Variants in OTUD7A observed in about 807,000 individuals in gnomAD.
The protein encoded by OTUD7A is OTU domain-containing protein 7A.
OTUD7A carries 12 observed loss-of-function variants against 65.7 expected under a neutral mutation model. That is an observed-to-expected ratio of 0.18 (90% CI 0.12 to 0.30). OTUD7A has a LOEUF of 0.30. OTUD7A is among the 10% of genes least tolerant of loss of function. The pLI, the probability that OTUD7A is intolerant of heterozygous loss-of-function variation, is 1.00. For synonymous variants in OTUD7A, 641 were observed against 586.3 expected, an observed-to-expected ratio of 1.09 and a Z score of -1.35; for missense variants, 1,148 against 1,304.8, an observed-to-expected ratio of 0.88 and a Z score of 1.85.
At chr15:31,573,614 G>T (rs1889117599) in intron 3 of OTUD7A, among the ~76,000 whole-genome samples, 1 of 152,226 alleles carries the variant, frequency 6.6e-6, no homozygotes. Context: ...ACAGTTGACA[G>T]ATCAGGCCAG....
At chr15:31,654,575 G>A (rs2654150) in intron 3 of OTUD7A, among the ~76,000 whole-genome samples, 5 of 151,536 alleles carry the variant, frequency 3.3e-5, no homozygotes, top group Admixed American at 6.6e-5. Context: ...TACCACTGCC[G>A]CCATCAGAAA....
intron 1 of OTUD7A, among the ~76,000 whole-genome samples, chr15:31,860,126 CT>C (rs1897680856): frequency 6.6e-6 from 1 of 152,044 alleles, no homozygotes; most frequent in Non-Finnish European, 1.5e-5. Context: ...GGTAGTACAA[CT>C]AATTTATTTC....
chr15:31,483,216 C>A lies in OTUD7A; in HGVS notation c.*78G>T, dbSNP rs2041159524. On this transcript the variant is annotated 3_prime_UTR_variant, in exon 13 of 13. Coordinates refer to ENST00000307050, the MANE Select transcript of OTUD7A (RefSeq NM_001382637.1). ...GCGCCGGCCTTCCGGTGGACCAGGG[C>A]ATGTAAAAAAGACACCGACACAATG... 9.6e-7 allele frequency: 1 copy of A among 1,039,208 alleles called. No individual in the cohort carries two copies. The allele number at this position is 1,039,208 out of a possible 1,614,324, so 64.4% of individuals were successfully genotyped here.
chr15:31,735,727 T>C (rs527634731), intron 1 of OTUD7A, among the ~76,000 whole-genome samples: 55 of 152,300 alleles, frequency 3.6e-4, no homozygotes, highest in Admixed American at 2.4e-3. Context: ...CCCAAAGCAC[T>C]ATAAATCATT....
At position 31,515,321 on chromosome 15, in the gene OTUD7A, G is replaced by A. The variant is rs4779886; in HGVS notation, c.893+11028C>T. 4.0e-3 allele frequency among the ~76,000 whole-genome samples: 611 copies of A among 152,180 alleles called. 18 individuals carry two copies. Among genetic ancestry groups the A allele is most frequent in the East Asian group, 0.028 (144 of 5,174 alleles). Reference sequence around the variant, plus strand: ...TCTTCACTTCCTGGCAGAACACTCTGGGATCTGAGCAGCTACACAGGAGGA... The same window carrying A: ...TCTTCACTTCCTGGCAGAACACTCTAGGATCTGAGCAGCTACACAGGAGGA... On this transcript the variant is annotated intron_variant, in intron 8 of 12. Coordinates refer to ENST00000307050, the MANE Select transcript of OTUD7A (RefSeq NM_001382637.1).
At position 31,487,666 on chromosome 15, in the gene OTUD7A, G is replaced by A. The variant is rs1399203447; in HGVS notation, c.1172-100C>T. ...CAGGTATCTGGGTGACAAATGCACC[G>A]AGTGGACATCTACACAGATCTGTGC... On this transcript the variant is annotated intron_variant, in intron 10 of 12. Transcript: ENST00000307050. The surrounding 1 kb of genome is among the most constrained non-coding windows in gnomAD (Gnocchi z 6.0). 20 of 818,552 alleles carry A rather than the reference G, an allele frequency of 2.4e-5. No homozygotes were observed. Among genetic ancestry groups the A allele is most frequent in the Admixed American group, 5.0e-5 (2 of 40,242 alleles). The allele number at this position is 818,552 out of a possible 1,614,324, so 50.7% of individuals were successfully genotyped here.
Position 31,487,141 on chromosome 15 carries a change from C to T in OTUD7A, c.1371+53G>A. 6.5e-7 allele frequency: 1 copy of T among 1,547,758 alleles called. No individual in the cohort carries two copies. Among genetic ancestry groups the T allele is most frequent in the Non-Finnish European group, 8.9e-7 (1 of 1,125,154 alleles). ...AGGATGCACCCTGGTCAGACTGGAGCTGAGCAGCCTGGACCCTGCTGCCAG... is the reference window on the plus strand; with the variant it reads ...AGGATGCACCCTGGTCAGACTGGAGTTGAGCAGCCTGGACCCTGCTGCCAG... On this transcript the variant is annotated intron_variant, in intron 12 of 12. Transcript: ENST00000307050. This position sits in a 1 kb window ranked among gnomAD's most constrained non-coding sequence, Gnocchi z 6.0.
chr15:31,737,070 C>G (rs1454780390), intron 1 of OTUD7A, among the ~76,000 whole-genome samples: 5 of 152,124 alleles, frequency 3.3e-5, no homozygotes, highest in African/African-American at 1.2e-4. Context: ...AACATGCCTG[C>G]CTCTGCCTCC....
At chr15:31,597,804 C>T (rs1889950956) in intron 3 of OTUD7A, among the ~76,000 whole-genome samples, 1 of 152,070 alleles carries the variant, frequency 6.6e-6, no homozygotes. Context: ...TTGGCTCTGG[C>T]TGCTGTCTGA....
At chr15:31,845,268 C>T (rs999568392) in intron 1 of OTUD7A, among the ~76,000 whole-genome samples, 4 of 152,216 alleles carry the variant, frequency 2.6e-5, no homozygotes, top group African/African-American at 7.2e-5. Context: ...CTGAACACAC[C>T]TTGTTCCATG....
At chr15:31,655,842 G>A (rs1233741488) in intron 2 of OTUD7A, among the ~76,000 whole-genome samples, 42 of 152,192 alleles carry the variant, frequency 2.8e-4, no homozygotes, top group Admixed American at 3.9e-4. Context: ...GAAAAATTCA[G>A]TTGGAGTTGC....
chr15:31,819,662 CCACTT>C (rs757299068), intron 1 of OTUD7A, among the ~76,000 whole-genome samples: 4 of 151,856 alleles, frequency 2.6e-5, no homozygotes, highest in Admixed American at 2.0e-4. Flanking sequence ...TAATTCAAAA[CCACTT>C]CATTTTTATA....
At chr15:31,756,790 G>C (rs1008429605) in intron 1 of OTUD7A, among the ~76,000 whole-genome samples, 3 of 152,072 alleles carry the variant, frequency 2.0e-5, no homozygotes, top group African/African-American at 7.2e-5. Flanking sequence ...ACCATTATTT[G>C]GAATTTTGAC....
At chr15:31,766,378 G>A (rs1284877516) in intron 1 of OTUD7A, 1 of 1,587,132 alleles carries the variant, frequency 6.3e-7, no homozygotes, top group African/African-American at 1.3e-5. Context: ...CATAACTGTA[G>A]AGCATCGATG....
chr15:31,808,098 AACACACACACACAC>A (rs55911531), intron 1 of OTUD7A, among the ~76,000 whole-genome samples: 6 of 95,800 alleles, frequency 6.3e-5, no homozygotes, highest in African/African-American at 1.7e-4. Flanking sequence ...ACAAATGCCA[AACACACACACACAC>A]ACACACACAC....
At position 31,730,686 on chromosome 15, in the gene OTUD7A, A is replaced by G. The variant is rs2134501; in HGVS notation, c.-99-73609T>C. Among the ~76,000 whole-genome samples, 26 of 152,302 alleles carry G rather than the reference A, an allele frequency of 1.7e-4. No homozygotes were observed. In the East Asian group the frequency reaches 4.8e-3, roughly 28 times the overall value. The stretch of plus-strand genomic sequence containing the variant: ...ATGACCTAGGTTAAATCCCAATGCT[A>G]CTATTTCTCAACTGTGTGACCTTGG... On this transcript the variant is annotated intron_variant, in intron 1 of 12. Transcript: ENST00000307050.
At chr15:31,867,170 G>C (rs1897898958) in intron 1 of OTUD7A, among the ~76,000 whole-genome samples, 1 of 152,136 alleles carries the variant, frequency 6.6e-6, no homozygotes, top group Non-Finnish European at 1.5e-5. Flanking sequence ...GTCTCCCAGG[G>C]AACATGTGGT....
chr15:31,566,061 G>A (rs540417042), intron 4 of OTUD7A, among the ~76,000 whole-genome samples: 39 of 152,090 alleles, frequency 2.6e-4, no homozygotes, highest in South Asian at 8.3e-4. Context: ...GCGTGGTGGC[G>A]GGTGCCTGTG....
chr15:31,808,791 CAA>C (rs759417649), intron 1 of OTUD7A, among the ~76,000 whole-genome samples: 20 of 152,204 alleles, frequency 1.3e-4, no homozygotes, highest in Admixed American at 2.6e-4. Flanking sequence ...TCTGCAGAGC[CAA>C]AGTGTGGACT....
Sources: allele counts gnomAD v4.1 joint callset (sites outside exome capture counted in the v4.1 genomes callset), GRCh38; gene constraint gnomAD v4.1.1; non-coding constraint Gnocchi (gnomAD v3.1); transcripts MANE v1.5; gene names NCBI Gene and HGNC (gene_info 2026-07-23, HGNC 2026-07-21).